The following CHCHD6 variants were observed in gnomAD, a reference collection of about 807,000 sequenced individuals.
CHCHD6 encodes the protein coiled-coil-helix-coiled-coil-helix domain containing 6.
A neutral mutation model predicts 32.3 loss-of-function variants in CHCHD6; 28 were observed. The observed-to-expected ratio is 0.87, with a 90% CI of 0.64 to 1.19. The LOEUF (loss-of-function observed/expected upper bound fraction) is 1.19, where lower values mean the gene tolerates loss of function less well. Ranked by LOEUF, CHCHD6 falls within the 50% of genes most tolerant of loss-of-function variation. The pLI, the probability that CHCHD6 is intolerant of heterozygous loss-of-function variation, is 0.00. For synonymous variants in CHCHD6, 122 were observed against 117.5 expected (o/e 1.04, Z -0.25); for missense variants, 333 against 307.0 (o/e 1.08, Z -0.63).
intron 6 of CHCHD6, among the ~76,000 whole-genome samples, chr3:126,948,260 AG>A (rs1347802075): frequency 3.9e-5 from 6 of 152,352 alleles, no homozygotes; most frequent in African/African-American, 1.4e-4. Flanking sequence ...TCTGGAGGGC[AG>A]AGGTCCACAA....
At chr3:126,737,862 C>T (rs1353713862) in intron 4 of CHCHD6, among the ~76,000 whole-genome samples, 1 of 151,696 alleles carries the variant, frequency 6.6e-6, no homozygotes, top group Admixed American at 6.6e-5. Flanking sequence ...AGTGTAGGTG[C>T]GGTTGTGGAA....
In CHCHD6 at chr3:126,949,670, C is replaced by G. The variant is rs535609743; in HGVS notation, c.567-7746C>G. On this transcript the variant is annotated intron_variant, in intron 6 of 7. Coordinates refer to ENST00000290913, the MANE Select transcript of CHCHD6 (RefSeq NM_032343.3). ...GGAAGGCTGCTGCGCGGACTGCCGC[C>G]GTGGACGGAAGGGAAGGCTGTACAG... The G allele has an allele frequency of 6.6e-4, 142 of 213,752 alleles. 1 individual carries two copies. The highest frequency in any genetic ancestry group is 3.4e-3 in the African/African-American group (142 of 42,272). 13.2% of individuals were successfully genotyped at this position (213,752 alleles called of 1,614,324 possible).
At chr3:126,756,411 T>A (rs1576377647) in intron 4 of CHCHD6, among the ~76,000 whole-genome samples, 1 of 152,152 alleles carries the variant, frequency 6.6e-6, no homozygotes, top group Non-Finnish European at 1.5e-5. Flanking sequence ...AGGGAGGGTG[T>A]CCACTTGTTT....
At chr3:126,807,453 T>C (rs1939450047) in intron 4 of CHCHD6, among the ~76,000 whole-genome samples, 1 of 152,032 alleles carries the variant, frequency 6.6e-6, no homozygotes, top group Non-Finnish European at 1.5e-5. Flanking sequence ...ATAGAAGGGC[T>C]AGAAAGTAGA....
At chr3:126,909,915 G>A (rs1464834668) in intron 5 of CHCHD6, among the ~76,000 whole-genome samples, 1 of 152,220 alleles carries the variant, frequency 6.6e-6, no homozygotes, top group Non-Finnish European at 1.5e-5. Context: ...AGGAGCTCTC[G>A]AGAACTGACG....
intron 6 of CHCHD6, among the ~76,000 whole-genome samples, chr3:126,940,922 T>C (rs908649204): frequency 6.6e-6 from 1 of 152,228 alleles, no homozygotes; most frequent in East Asian, 1.9e-4. Context: ...TAACAGGTCT[T>C]TGTGTGATGG....
At chr3:126,863,840 C>T (rs1195399134) in intron 5 of CHCHD6, among the ~76,000 whole-genome samples, 2 of 148,308 alleles carry the variant, frequency 1.3e-5, no homozygotes, top group African/African-American at 2.5e-5. Flanking sequence ...ATCACCACCT[C>T]CTCCTCCACC....
At chr3:126,738,792 T>TAAAAC in intron 4 of CHCHD6, among the ~76,000 whole-genome samples, 1 of 152,298 alleles carries the variant, frequency 6.6e-6, no homozygotes, top group African/African-American at 2.4e-5. Context: ...TTTCAAGCAA[T>TAAAAC]AAAACAAAAC....
At chr3:126,785,236 T>C (rs1429210682) in intron 4 of CHCHD6, among the ~76,000 whole-genome samples, 1 of 152,132 alleles carries the variant, frequency 6.6e-6, no homozygotes, top group Non-Finnish European at 1.5e-5. Context: ...ACTCACTAGA[T>C]GCCAATAACA....
intron 5 of CHCHD6, among the ~76,000 whole-genome samples, chr3:126,912,494 C>A (rs191851896): frequency 3.3e-5 from 5 of 152,280 alleles, no homozygotes; most frequent in African/African-American, 1.2e-4. Flanking sequence ...TATTTCGTGC[C>A]TGTCGTATGC....
At chr3:126,956,168 G>A (rs1430207108) in intron 6 of CHCHD6, among the ~76,000 whole-genome samples, 1 of 152,220 alleles carries the variant, frequency 6.6e-6, no homozygotes, top group East Asian at 1.9e-4. Context: ...TACCTGGAGT[G>A]GAGCTGTGGC....
chr3:126,873,179 A>G (rs1211011413), intron 5 of CHCHD6, among the ~76,000 whole-genome samples: 1 of 152,248 alleles, frequency 6.6e-6, no homozygotes, highest in Non-Finnish European at 1.5e-5. Context: ...GGCCATGCGC[A>G]TCATCTCTCT....
intron 6 of CHCHD6, among the ~76,000 whole-genome samples, chr3:126,931,469 C>T (rs2078404581): frequency 1.3e-5 from 2 of 152,304 alleles, no homozygotes; most frequent in South Asian, 4.1e-4. Context: ...GCAGCCTGCT[C>T]CCTGTTATGG....
At chr3:126,705,026 G>A (rs1171174888) in intron 1 of CHCHD6, among the ~76,000 whole-genome samples, 1 of 152,086 alleles carries the variant, frequency 6.6e-6, no homozygotes, top group East Asian at 1.9e-4. Context: ...CCCGCACCTC[G>A]TCCCCAGCCT....
chr3:126,904,481 A>G (rs935721004), intron 5 of CHCHD6, among the ~76,000 whole-genome samples: 1 of 152,194 alleles, frequency 6.6e-6, no homozygotes, highest in African/African-American at 2.4e-5. Context: ...CATTGTTAAA[A>G]AGCCTGTGCG....
chr3:126,954,986 C>T (rs1360108730), intron 6 of CHCHD6, among the ~76,000 whole-genome samples: 2 of 152,210 alleles, frequency 1.3e-5, no homozygotes, highest in African/African-American at 2.4e-5. Flanking sequence ...GAGGCCTCTG[C>T]GATGGAGGCA....
chr3:126,788,759 T>C (rs1299959480), intron 4 of CHCHD6, among the ~76,000 whole-genome samples: 8 of 151,938 alleles, frequency 5.3e-5, no homozygotes. Context: ...TTGTTGATCT[T>C]TTCAAACAAC....
At chr3:126,813,960 A>C (rs1939768511) in intron 4 of CHCHD6, among the ~76,000 whole-genome samples, 1 of 152,260 alleles carries the variant, frequency 6.6e-6, no homozygotes. Flanking sequence ...GGAAGAGCTC[A>C]GATCCAACTC....
intron 1 of CHCHD6, among the ~76,000 whole-genome samples, chr3:126,724,485 C>A (rs1043535192): frequency 1.3e-5 from 2 of 152,262 alleles, no homozygotes; most frequent in East Asian, 1.9e-4. Flanking sequence ...ATCATCTGAG[C>A]CTTTAGTGAG....
Sources: gnomAD v4.1 joint callset for allele counts (sites outside exome capture counted in the v4.1 genomes callset) on GRCh38, gnomAD v4.1.1 for gene constraint, MANE v1.5 for transcripts, NCBI Gene and HGNC (gene_info 2026-07-23, HGNC 2026-07-21) for gene names.